The following TBCE variants were observed in gnomAD, a reference collection of about 807,000 sequenced individuals.
TBCE encodes the protein tubulin-specific chaperone E.
In TBCE, 53 loss-of-function variants were observed where a neutral mutation model predicts 77.0. That is an observed-to-expected ratio of 0.69 (90% confidence interval 0.55 to 0.87). The LOEUF (loss-of-function observed/expected upper bound fraction) is 0.87. TBCE is among the 40% of genes least tolerant of loss of function. TBCE has a pLI of 0.00. For missense variants in TBCE, 624 were observed against 622.4 expected (o/e 1.00, Z -0.03); for synonymous variants, 235 against 241.3 (o/e 0.97, Z 0.24).
rs1233843069 is a variant in TBCE at position 235,414,480 on chromosome 1, G to A, written c.233G>A (p.Gly78Glu). 3 of 1,613,616 alleles carry A rather than the reference G, an allele frequency of 1.9e-6. No individual in the cohort carries two copies. In the Admixed American group the frequency reaches 5.0e-5, roughly 27 times the overall value. ...SFIRPNKVNF[G>E]TDFLTAIKNR... ...ATTCGTCCGAACAAGGTAAATTTTGGAACAGACTTTCTTACTGCAATTAAG... is the reference window on the plus strand; with the variant it reads ...ATTCGTCCGAACAAGGTAAATTTTGAAACAGACTTTCTTACTGCAATTAAG... The change falls in exon 4 of 17, where the codon GGA becomes GAA. Residue 78 changes from glycine to glutamate, a missense_variant. Coordinates refer to ENST00000642610, the MANE Select transcript of TBCE (RefSeq NM_003193.5).
chr1:235,389,373 G>C (rs1487982371), intron 2 of TBCE, among the ~76,000 whole-genome samples: 1 of 152,090 alleles, frequency 6.6e-6, no homozygotes, highest in African/African-American at 2.4e-5. Flanking sequence ...TGTTGCCTAG[G>C]CTGGAGTGCA....
intron 3 of TBCE, among the ~76,000 whole-genome samples, chr1:235,412,816 T>A (rs551066970): frequency 1.0e-3 from 151 of 151,070 alleles, no homozygotes; most frequent in Non-Finnish European, 1.7e-3. Context: ...TATTATTATT[T>A]TTTTGAGATG....
chr1:235,381,636 G>A (rs1677651404), intron 2 of TBCE, among the ~76,000 whole-genome samples: 1 of 120,596 alleles, frequency 8.3e-6, no homozygotes, highest in East Asian at 2.8e-4. Context: ...AGTGAGCCGA[G>A]ACCACGCCAC....
rs1320292203 is a variant in TBCE at position 235,436,519 on chromosome 1, T to C, written c.899-25T>C. On this transcript the variant is annotated intron_variant, in intron 10 of 16. Transcript: ENST00000642610. ...ACTTCAGCTACTTTCACTTCTACTG[T>C]GTAACTTCATTCCTCTTTTTATAGG... 1.9e-6 allele frequency: 3 copies of C among 1,613,194 alleles called. No individual in the cohort carries two copies. The African/African-American group carries it at 4.0e-5, about 22-fold the overall frequency.
chr1:235,388,102 C>T (rs1429634316), intron 2 of TBCE, among the ~76,000 whole-genome samples: 1 of 151,978 alleles, frequency 6.6e-6, no homozygotes, highest in Non-Finnish European at 1.5e-5. Context: ...TTACTGTGTA[C>T]CAGACACTTG....
At chr1:235,393,495 G>A (rs1291045996) in intron 2 of TBCE, among the ~76,000 whole-genome samples, 3 of 152,010 alleles carry the variant, frequency 2.0e-5, no homozygotes, top group Non-Finnish European at 2.9e-5. Flanking sequence ...CCGAGATGGC[G>A]CCACTGCACT....
intron 1 of TBCE, among the ~76,000 whole-genome samples, chr1:235,376,293 T>G (rs1435218394): frequency 1.3e-5 from 2 of 152,094 alleles, no homozygotes; most frequent in African/African-American, 4.8e-5. Context: ...GCTATTACAC[T>G]CTCTGGTTTT....
intron 1 of TBCE, among the ~76,000 whole-genome samples, chr1:235,373,139 T>C (rs545078656): frequency 6.6e-6 from 1 of 151,956 alleles, no homozygotes; most frequent in South Asian, 2.1e-4. Context: ...AAGACCAGCC[T>C]GGATAACATA....
chr1:235,430,399 G>A, intron 6 of TBCE: 1 of 320,100 alleles, frequency 3.1e-6, no homozygotes, highest in East Asian at 8.2e-5. Context: ...TGTGAAGCTG[G>A]AAGCTCACCT....
At chr1:235,442,807 A>G (rs983578769) in intron 14 of TBCE, 45 bp from the exon 15 acceptor site, 1 of 1,571,914 alleles carries the variant, frequency 6.4e-7, no homozygotes, top group Admixed American at 1.7e-5. Flanking sequence ...TTAAATCCAT[A>G]TAATAGTAGA....
At chr1:235,372,101 C>T (rs1437406187) in intron 1 of TBCE, among the ~76,000 whole-genome samples, 1 of 152,222 alleles carries the variant, frequency 6.6e-6, no homozygotes, top group African/African-American at 2.4e-5. Context: ...CCAACCTAAG[C>T]CTCCCAAATA....
chr1:235,395,765 G>T (rs1265069948), intron 2 of TBCE, among the ~76,000 whole-genome samples: 1 of 151,450 alleles, frequency 6.6e-6, no homozygotes. Flanking sequence ...GGCTGCTCTC[G>T]AACTCCTGAC....
chr1:235,381,343 T>A (rs2102815908), intron 2 of TBCE, among the ~76,000 whole-genome samples: 1 of 152,186 alleles, frequency 6.6e-6, no homozygotes, highest in Admixed American at 6.6e-5. Context: ...TGAAACATAA[T>A]TTTTCTCTCT....
intron 2 of TBCE, among the ~76,000 whole-genome samples, chr1:235,400,064 G>C (rs937725019): frequency 7.2e-5 from 11 of 151,982 alleles, no homozygotes; most frequent in African/African-American, 2.7e-4. Context: ...ATTATTTAGA[G>C]GTAAGTCTAG....
chr1:235,439,892 C>A (rs767440548), intron 13 of TBCE, among the ~76,000 whole-genome samples: 1 of 152,124 alleles, frequency 6.6e-6, no homozygotes, highest in African/African-American at 2.4e-5. Context: ...ACCTCCACCT[C>A]CTGGGTTCAA....
intron 8 of TBCE, 26 bp from the exon 9 acceptor site, chr1:235,435,719 G>A: frequency 6.3e-7 from 1 of 1,595,412 alleles, no homozygotes; most frequent in Non-Finnish European, 8.6e-7. Context: ...TAAATTCACG[G>A]TGAAAAAATT....
At chr1:235,377,018 C>T (rs560466646) in intron 1 of TBCE, among the ~76,000 whole-genome samples, 1 of 152,186 alleles carries the variant, frequency 6.6e-6, no homozygotes, top group Admixed American at 6.5e-5. Context: ...CAACTTTGGG[C>T]TCGGAGATTA....
chr1:235,388,817 G>A (rs1308201188), intron 2 of TBCE, among the ~76,000 whole-genome samples: 1 of 152,220 alleles, frequency 6.6e-6, no homozygotes, highest in Non-Finnish European at 1.5e-5. Context: ...GAGTAAGCAA[G>A]GTTGGGCAGA....
At chr1:235,444,602 G>T (rs982571929) in intron 15 of TBCE, among the ~76,000 whole-genome samples, 3 of 151,980 alleles carry the variant, frequency 2.0e-5, no homozygotes, top group African/African-American at 7.3e-5. Flanking sequence ...ATGAAGCCTC[G>T]CTATGTTGCT....
Sources: gnomAD v4.1 joint callset for allele counts (sites outside exome capture counted in the v4.1 genomes callset) on GRCh38, gnomAD v4.1.1 for gene constraint, MANE v1.5 for transcripts, NCBI Gene and HGNC (gene_info 2026-07-23, HGNC 2026-07-21) for gene names.